FANCL: variants seen among roughly 807,000 people sequenced by gnomAD.
The protein encoded by FANCL is E3 ubiquitin-protein ligase FANCL.
A neutral mutation model predicts 59.4 loss-of-function variants in FANCL; 69 were observed. That is an observed-to-expected ratio of 1.16 (90% CI 0.96 to 1.42). The LOEUF (loss-of-function observed/expected upper bound fraction) is 1.42. Among genes scored for constraint, FANCL ranks in the 40% most tolerant of loss-of-function variants. The pLI is 0.00. For missense variants in FANCL, 519 were observed against 447.2 expected, an observed-to-expected ratio of 1.16 and a Z score of -1.45; for synonymous variants, 180 against 147.1, an observed-to-expected ratio of 1.22 and a Z score of -1.62.
At chr2:58,192,142 T>C (rs1179913693) in intron 7 of FANCL, among the ~76,000 whole-genome samples, 1 of 151,894 alleles carries the variant, frequency 6.6e-6, no homozygotes, top group African/African-American at 2.4e-5. Flanking sequence ...AAAAAACCTG[T>C]TCCATGCAAC....
intron 7 of FANCL, among the ~76,000 whole-genome samples, chr2:58,171,504 G>C (rs1203991455): frequency 2.6e-5 from 4 of 152,064 alleles, no homozygotes; most frequent in Non-Finnish European, 4.4e-5. Context: ...GCTAGCAGAA[G>C]ACAAGAAATA....
At chr2:58,185,404 C>T (rs1224472285) in intron 7 of FANCL, among the ~76,000 whole-genome samples, 2 of 152,058 alleles carry the variant, frequency 1.3e-5, no homozygotes, top group African/African-American at 4.8e-5. Context: ...AACACACATA[C>T]TGAAAAGATT....
chr2:58,214,474 T>C (rs1158391040), intron 5 of FANCL, among the ~76,000 whole-genome samples: 4 of 152,152 alleles, frequency 2.6e-5, no homozygotes. Flanking sequence ...ACCTAAATTC[T>C]GACTCTTCCA....
At chr2:58,162,431 G>T (rs1028552912) in intron 11 of FANCL, among the ~76,000 whole-genome samples, 1 of 151,770 alleles carries the variant, frequency 6.6e-6, no homozygotes, top group Non-Finnish European at 1.5e-5. Flanking sequence ...TGAAGACCAT[G>T]AAAAAAGTAT....
intron 7 of FANCL, chr2:58,194,415 T>G (rs1450709685): frequency 2.5e-6 from 1 of 404,658 alleles, no homozygotes. Context: ...GGATATATTT[T>G]GAAGCATTTG....
chr2:58,219,570 C>A (rs1034510243), intron 5 of FANCL, among the ~76,000 whole-genome samples: 6 of 151,874 alleles, frequency 4.0e-5, no homozygotes, highest in African/African-American at 1.5e-4. Context: ...TACTACCTCA[C>A]CAGGTAATCA....
intron 7 of FANCL, among the ~76,000 whole-genome samples, chr2:58,171,026 C>G (rs529774469): frequency 1.3e-5 from 2 of 151,628 alleles, no homozygotes; most frequent in African/African-American, 2.4e-5. Context: ...CCAAGCAGAC[C>G]TAATAGACAT....
chr2:58,214,447 T>C (rs538927908), intron 5 of FANCL, among the ~76,000 whole-genome samples: 4 of 152,302 alleles, frequency 2.6e-5, no homozygotes, highest in African/African-American at 9.6e-5. Context: ...CATAATTCAG[T>C]ATTACTATGA....
At chr2:58,208,031 C>T (rs1690765004) in intron 5 of FANCL, among the ~76,000 whole-genome samples, 1 of 152,124 alleles carries the variant, frequency 6.6e-6, no homozygotes, top group Admixed American at 6.6e-5. Flanking sequence ...TGCACTCTGG[C>T]CTTGGTGAAA....
intron 7 of FANCL, among the ~76,000 whole-genome samples, chr2:58,176,809 A>C (rs1573584636): frequency 6.6e-6 from 1 of 152,250 alleles, no homozygotes; most frequent in East Asian, 1.9e-4. Flanking sequence ...GAGCTTCTAC[A>C]CAGCAAAAGA....
intron 7 of FANCL, among the ~76,000 whole-genome samples, chr2:58,198,038 TGTGTGTGC>T (rs890315785): frequency 1.1e-4 from 17 of 147,894 alleles, no homozygotes; most frequent in Non-Finnish European, 2.0e-4. Context: ...GGTGTGTGTG[TGTGTGTGC>T]GTGTGTGTGT....
intron 5 of FANCL, among the ~76,000 whole-genome samples, chr2:58,211,000 G>C (rs1573726036): frequency 6.6e-6 from 1 of 152,254 alleles, no homozygotes; most frequent in South Asian, 2.1e-4. Context: ...GCTGTCAGTG[G>C]ATCTACCATT....
rs1692519751 is a variant in FANCL, at chr2:58,221,946, C to A, written c.370G>T (p.Asp124Tyr). ...LIEEIGTLGW[D>Y]KLVYADTCFS... ...CATATTTTAAAACAGACATACTTAT[C>A]CCAACCAAGAGTTCCTATCTCTTCA... Residue 124 changes from aspartate (D) to tyrosine (Y), a missense_variant, in exon 5 of 14, where the codon GAT becomes TAT. Coordinates refer to ENST00000233741, the MANE Select transcript of FANCL (RefSeq NM_018062.4). The A allele has an allele frequency of 6.2e-7, 1 of 1,605,026 alleles. No individual in the cohort carries two copies. Among genetic ancestry groups the A allele is most frequent in the African/African-American group, 1.3e-5 (1 of 74,708 alleles).
intron 1 of FANCL, among the ~76,000 whole-genome samples, chr2:58,239,948 C>T (rs577029404): frequency 6.6e-5 from 10 of 152,026 alleles, no homozygotes; most frequent in Non-Finnish European, 8.8e-5. Context: ...AAATAAACTG[C>T]TAAGGCAGGT....
intron 7 of FANCL, among the ~76,000 whole-genome samples, chr2:58,172,040 C>A (rs1352503303): frequency 6.6e-6 from 1 of 152,212 alleles, no homozygotes; most frequent in Non-Finnish European, 1.5e-5. Flanking sequence ...GGCAGCGAGG[C>A]TGGGGGAGGG....
At chr2:58,194,016 A>C (rs1208521555) in intron 7 of FANCL, among the ~76,000 whole-genome samples, 1 of 152,150 alleles carries the variant, frequency 6.6e-6, no homozygotes, top group Non-Finnish European at 1.5e-5. Flanking sequence ...TGACTCCTTT[A>C]ATTACAAATT....
chr2:58,209,933 G>A (rs769781347), intron 5 of FANCL, among the ~76,000 whole-genome samples: 2 of 152,106 alleles, frequency 1.3e-5, no homozygotes, highest in Non-Finnish European at 2.9e-5. Flanking sequence ...ACCAATATAT[G>A]TTGACAATCT....
At chr2:58,162,169 A>G (rs1685284841) in intron 11 of FANCL, among the ~76,000 whole-genome samples, 1 of 151,952 alleles carries the variant, frequency 6.6e-6, no homozygotes, top group Non-Finnish European at 1.5e-5. Context: ...ACTAAAGGAA[A>G]AAGAAACTCA....
chr2:58,205,609 A>G (rs901453834), intron 5 of FANCL, among the ~76,000 whole-genome samples: 2 of 152,108 alleles, frequency 1.3e-5, no homozygotes, highest in African/African-American at 4.8e-5. Flanking sequence ...AAAATGTTTC[A>G]AAGGTATAAA....
Sources: allele counts gnomAD v4.1 joint callset (sites outside exome capture counted in the v4.1 genomes callset), GRCh38; gene constraint gnomAD v4.1.1; transcripts MANE v1.5; gene names NCBI Gene and HGNC (gene_info 2026-07-23, HGNC 2026-07-21).